Variants in TMIGD3 observed in about 807,000 individuals in gnomAD.
TMIGD3 encodes the protein AD026 protein (AD026).
In TMIGD3, 21 loss-of-function variants were observed where a neutral mutation model predicts 28.1. That is an observed-to-expected ratio of 0.75 (90% CI 0.53 to 1.08). TMIGD3 has a LOEUF of 1.08. TMIGD3 is among the 50% of genes least tolerant of loss of function. The pLI is 0.00. For synonymous variants in TMIGD3, 151 were observed against 162.1 expected (o/e 0.93, Z 0.52); for missense variants, 416 against 435.6 (o/e 0.96, Z 0.40).
In TMIGD3 at chr1:111,503,396, G is replaced by A. The variant is rs891720652; in HGVS notation, c.-42C>T. On this transcript the variant is annotated 5_prime_UTR_variant, in exon 1 of 6. Transcript: ENST00000369716. ...AACCTCCACAGGGACAGGTGAGCCA[G>A]CAAGATCCGTCTGTAGGGCCAGTGG... 3 of 1,562,252 alleles carry A rather than the reference G, an allele frequency of 1.9e-6. No individual in the cohort carries two copies. The highest frequency in any genetic ancestry group is 4.6e-5 in the East Asian group (2 of 43,602).
At chr1:111,550,542 T>A (rs1051198710) in intron 1 of TMIGD3, among the ~76,000 whole-genome samples, 3 of 152,260 alleles carry the variant, frequency 2.0e-5, no homozygotes, top group African/African-American at 7.2e-5. Flanking sequence ...TGTTTTCATT[T>A]CTATTCACCC....
upstream of TMIGD3, among the ~76,000 whole-genome samples, chr1:111,506,263 C>A (rs1176789633): frequency 1.3e-5 from 2 of 152,204 alleles, no homozygotes; most frequent in Non-Finnish European, 2.9e-5. Flanking sequence ...GTGCTCAGTA[C>A]ATTTTTGATG....
At chr1:111,549,823 T>A (rs376858987) in intron 1 of TMIGD3, among the ~76,000 whole-genome samples, 14 of 152,200 alleles carry the variant, frequency 9.2e-5, no homozygotes, top group African/African-American at 2.4e-4. Context: ...TAATCTTTTT[T>A]AAATTTTTTT....
chr1:111,488,462 G>A lies in TMIGD3; in HGVS notation c.805+215C>T, dbSNP rs188160243. Among the ~76,000 whole-genome samples the A allele has an allele frequency of 2.0e-5, 3 of 152,298 alleles. No individual in the cohort carries two copies. In the East Asian group the frequency reaches 5.8e-4, roughly 29 times the overall value. On this transcript the variant is annotated intron_variant, in intron 3 of 5. Coordinates refer to ENST00000369716, the MANE Select transcript of TMIGD3 (RefSeq NM_020683.7). ...GAAGAGAAGTTCTAAAAGTGCCCCA[G>A]GGCGCAGACACCCTCCTTGTCCCCA...
chr1:111,491,775 AAT>A (rs1356575874), intron 1 of TMIGD3, among the ~76,000 whole-genome samples: 1 of 152,244 alleles, frequency 6.6e-6, no homozygotes, highest in Non-Finnish European at 1.5e-5. Context: ...GACAAATTAT[AAT>A]ATGTGGAACT....
chr1:111,498,903 A>T (rs1397818782), intron 1 of TMIGD3, among the ~76,000 whole-genome samples: 1 of 152,104 alleles, frequency 6.6e-6, no homozygotes, highest in Non-Finnish European at 1.5e-5. Context: ...CCTGAGTAAC[A>T]TAAAGAGACC....
In TMIGD3 at chr1:111,487,538, C is replaced by T. The variant is rs146518766; in HGVS notation, c.806-886G>A. Among the ~76,000 whole-genome samples, 933 of 151,712 alleles carry T rather than the reference C, an allele frequency of 6.1e-3. 13 individuals are homozygous for T. The highest frequency in any genetic ancestry group is 0.019 in the African/African-American group (801 of 41,404). ...AAAAAAAGGAAGAAAGAAAGGCTAG[C>T]GCCTTCCATAAGTCCTCTGTCTGAG... On this transcript the variant is annotated intron_variant, in intron 3 of 5. Transcript: ENST00000369716.
intron 1 of TMIGD3, among the ~76,000 whole-genome samples, chr1:111,540,855 T>A (rs1436787862): frequency 6.6e-6 from 1 of 152,250 alleles, no homozygotes; most frequent in African/African-American, 2.4e-5. Context: ...ATTTTCCTAA[T>A]GCCCTGTTTC....
chr1:111,485,642 A>G, intron 5 of TMIGD3, 98 bp downstream of exon 5: 1 of 948,442 alleles, frequency 1.1e-6, no homozygotes, highest in Admixed American at 2.4e-5. Flanking sequence ...ACCAGGCAAT[A>G]TGAAGAGGCT....
chr1:111,491,314 G>A (rs979157830), intron 1 of TMIGD3, among the ~76,000 whole-genome samples: 7 of 152,248 alleles, frequency 4.6e-5, no homozygotes, highest in Admixed American at 2.6e-4. Context: ...TTTGGGCTGC[G>A]GTCTTCAGAC....
chr1:111,501,000 T>C, intron 1 of TMIGD3: 1 of 195,716 alleles, frequency 5.1e-6, no homozygotes, highest in Non-Finnish European at 1.1e-5. Flanking sequence ...ACTCCTTCTG[T>C]TCCCAATAAG....
chr1:111,562,298 T>C (rs548155880), intron 1 of TMIGD3, among the ~76,000 whole-genome samples: 2 of 152,348 alleles, frequency 1.3e-5, no homozygotes, highest in South Asian at 2.1e-4. Flanking sequence ...AATACAGTTA[T>C]GTGTCTGTTT....
intron 1 of TMIGD3, among the ~76,000 whole-genome samples, chr1:111,513,606 C>T (rs1310998001): frequency 6.6e-6 from 1 of 152,182 alleles, no homozygotes; most frequent in Non-Finnish European, 1.5e-5. Context: ...CCTTGTCCCT[C>T]TAAGATAAGT....
At chr1:111,515,548 C>A (rs987296132) in intron 1 of TMIGD3, among the ~76,000 whole-genome samples, 4 of 152,194 alleles carry the variant, frequency 2.6e-5, no homozygotes, top group Admixed American at 2.6e-4. Context: ...AGCCAGCTGC[C>A]CCTTGTGCCA....
intron 5 of TMIGD3, 29 bp downstream of exon 5, chr1:111,485,711 C>A: frequency 1.9e-6 from 2 of 1,071,160 alleles, no homozygotes; most frequent in South Asian, 2.7e-5. Context: ...AATTCTTGCC[C>A]ACCCCCTCCC....
chr1:111,514,446 C>T (rs1262081460), intron 1 of TMIGD3, among the ~76,000 whole-genome samples: 2 of 151,962 alleles, frequency 1.3e-5, no homozygotes, highest in East Asian at 3.9e-4. Flanking sequence ...ACCTGCAGTC[C>T]CAGCTACTTG....
intron 1 of TMIGD3, among the ~76,000 whole-genome samples, chr1:111,534,178 A>C (rs1656560574): frequency 2.0e-5 from 3 of 152,196 alleles, no homozygotes; most frequent in African/African-American, 7.2e-5. Flanking sequence ...GTTGTTCTAC[A>C]AACTTATATC....
At chr1:111,524,566 T>C (rs80288530) in intron 1 of TMIGD3, among the ~76,000 whole-genome samples, 4,282 of 152,246 alleles carry the variant, frequency 0.028, 200 homozygotes, top group African/African-American at 0.098. Flanking sequence ...ATTTTGATGT[T>C]ATATTTTTAC....
intron 1 of TMIGD3, among the ~76,000 whole-genome samples, chr1:111,492,593 A>C (rs1571403566): frequency 6.6e-6 from 1 of 152,130 alleles, no homozygotes; most frequent in South Asian, 2.1e-4. Flanking sequence ...AGGTGGGCGG[A>C]TGACGAGGTC....
Sources: allele counts gnomAD v4.1 joint callset (sites outside exome capture counted in the v4.1 genomes callset), GRCh38; gene constraint gnomAD v4.1.1; transcripts MANE v1.5; gene names NCBI Gene and HGNC (gene_info 2026-07-23, HGNC 2026-07-21).